Variants in PRDM1 observed in about 807,000 individuals in gnomAD.
PRDM1 encodes PR domain zinc finger protein 1.
A neutral mutation model predicts 62.8 loss-of-function variants in PRDM1; 13 were observed. The ratio of observed to expected loss-of-function variants is 0.21; its 90% CI spans 0.13 to 0.33. The LOEUF is 0.33. Ranked by LOEUF, PRDM1 falls within the 10% of genes least tolerant of loss-of-function variation. The pLI, the probability that PRDM1 is intolerant of heterozygous loss-of-function variation, is 1.00. For missense variants in PRDM1, 895 were observed against 1,058.8 expected (o/e 0.85, Z 2.15); for synonymous variants, 396 against 417.6 (o/e 0.95, Z 0.63).
Position 105,994,771 on chromosome 6 carries a change from T to C in PRDM1, c.-67+1132T>C, listed in dbSNP as rs62421071. Reference sequence around the variant, plus strand: ...CCGTAACTTCCTAACGACATCTTCTTGGAGCAGATTCCGCGGCGGGGATGG... The same window carrying C: ...CCGTAACTTCCTAACGACATCTTCTCGGAGCAGATTCCGCGGCGGGGATGG... On this transcript the variant is annotated intron_variant, in intron 1 of 6. Transcript: ENST00000652320. The surrounding 1 kb of genome is among the most constrained non-coding windows in gnomAD (Gnocchi z 4.1). Among the ~76,000 whole-genome samples, 6,636 of 152,286 alleles carry C rather than the reference T, an allele frequency of 0.044. 175 individuals carry two copies. The highest frequency in any genetic ancestry group is 0.059 in the Non-Finnish European group (3,993 of 68,012).
At position 106,086,518 on chromosome 6, in the gene PRDM1, T is replaced by C; in HGVS notation, c.-36T>C. The C allele has an allele frequency of 6.5e-7, 1 of 1,545,750 alleles. No homozygotes were observed. The highest frequency in any genetic ancestry group is 8.8e-7 in the Non-Finnish European group (1 of 1,142,296). On this transcript the variant is annotated 5_prime_UTR_variant, in exon 1 of 7. The change abolishes an upstream ATG in the 5' untranslated region. Coordinates refer to ENST00000369096, the MANE Select transcript of PRDM1 (RefSeq NM_001198.4). ...AGCCTGGCGGGGGACGCGGGGAGAA[T>C]GTGGACTGGGTAGAGATGAACGAGA...
At chr6:106,102,605 A>G (rs1358030114) in intron 4 of PRDM1, among the ~76,000 whole-genome samples, 2 of 152,204 alleles carry the variant, frequency 1.3e-5, no homozygotes, top group Admixed American at 6.5e-5. Flanking sequence ...CAACATTCAA[A>G]TTATATTAAG....
At chr6:106,087,679 G>T in intron 1 of PRDM1, 1 of 232,896 alleles carries the variant, frequency 4.3e-6, no homozygotes, top group Non-Finnish European at 8.5e-6. Flanking sequence ...TGGTGGGAAA[G>T]TTCGGTCTTC....
chr6:106,076,217 C>T (rs1276517407), intron 1 of PRDM1, among the ~76,000 whole-genome samples: 1 of 152,126 alleles, frequency 6.6e-6, no homozygotes, highest in Non-Finnish European at 1.5e-5. Flanking sequence ...TCCCAAAGTG[C>T]GACATCCCAA....
intron 1 of PRDM1, among the ~76,000 whole-genome samples, chr6:106,028,751 A>G (rs1772798358): frequency 6.6e-6 from 1 of 151,162 alleles, no homozygotes; most frequent in Non-Finnish European, 1.5e-5. Context: ...AGCAACCCCC[A>G]CCCCCGAAGT....
chr6:106,045,863 A>G (rs1048607310), upstream of PRDM1: 2 of 152,234 alleles, frequency 1.3e-5, no homozygotes, highest in African/African-American at 4.8e-5. Context: ...ACCAATGCCT[A>G]TGTTCTAGAG....
intron 1 of PRDM1, among the ~76,000 whole-genome samples, chr6:106,064,077 C>T (rs138331885): frequency 1.2e-4 from 19 of 152,310 alleles, no homozygotes; most frequent in African/African-American, 4.6e-4. Context: ...GGAGAAATCA[C>T]TGTCCCATCT....
intron 3 of PRDM1, 116 bp downstream of exon 3, chr6:106,095,850 G>A: frequency 1.8e-6 from 2 of 1,140,632 alleles, no homozygotes; most frequent in Non-Finnish European, 2.5e-6. Flanking sequence ...TCACCCATAA[G>A]TATCCAGCAT....
At chr6:106,016,761 G>T (rs1259325993) in intron 1 of PRDM1, among the ~76,000 whole-genome samples, 2 of 149,156 alleles carry the variant, frequency 1.3e-5, no homozygotes, top group Non-Finnish European at 1.5e-5. Flanking sequence ...CGATTCTCCT[G>T]CCTCAGCCCC....
intron 2 of PRDM1, among the ~76,000 whole-genome samples, chr6:106,090,163 C>T (rs1422858913): frequency 6.6e-6 from 1 of 152,132 alleles, no homozygotes; most frequent in East Asian, 1.9e-4. Context: ...GAGTGCTTCT[C>T]GATTATGCTA....
At position 106,105,381 on chromosome 6, in the gene PRDM1, C is replaced by A. The variant is rs139750319; in HGVS notation, c.1221C>A (p.Asn407Lys). ...HLPPAFIPSYNAHYPKFLLPP... is the reference protein window; with the variant it reads ...HLPPAFIPSYKAHYPKFLLPP... ...CGCCAGCTTTCATCCCCTCGTACAACGCTCACTACCCCAAGTTCCTCTTGC... is the reference window on the plus strand; with the variant it reads ...CGCCAGCTTTCATCCCCTCGTACAAAGCTCACTACCCCAAGTTCCTCTTGC... The change falls in exon 5 of 7, where the codon AAC (asparagine) becomes AAA (lysine). Residue 407 changes from asparagine to lysine, a missense_variant. Physicochemically the swap from Asn to Lys is moderately conservative, Grantham distance 94. This residue lies in a region of PRDM1 where 444 missense variants were observed against 422.7 expected (regional missense o/e 1.05). Transcript: ENST00000369096. 86 of 1,614,120 alleles carry A rather than the reference C, an allele frequency of 5.3e-5. No homozygotes were observed. The highest frequency in any genetic ancestry group is 7.0e-5 in the Non-Finnish European group (83 of 1,179,992).
At chr6:106,030,996 C>CTTTTTTTTTTTTTTTTTATTTTTTT (rs11343130) in intron 1 of PRDM1, among the ~76,000 whole-genome samples, 1 of 135,314 alleles carries the variant, frequency 7.4e-6, no homozygotes. Flanking sequence ...TGTATTCTCT[C>CTTTTTTTTTTTTTTTTTATTTTTTT]TTTTTTTTTT....
At position 106,023,972 on chromosome 6, in the gene PRDM1, T is replaced by C. The variant is rs544115903; in HGVS notation, c.-67+30333T>C. On this transcript the variant is annotated intron_variant, in intron 1 of 6. Transcript: ENST00000652320. ...GCCTAGGCAACATAGTGAGACCACATCTCTACAAAAAATTTACAAATTAGC... is the reference window on the plus strand; with the variant it reads ...GCCTAGGCAACATAGTGAGACCACACCTCTACAAAAAATTTACAAATTAGC... 2.0e-5 allele frequency among the ~76,000 whole-genome samples: 3 copies of C among 152,154 alleles called. No individual in the cohort carries two copies. In the South Asian group the frequency reaches 6.2e-4, roughly 32 times the overall value.
At chr6:106,001,898 AT>A (rs1177647005) in intron 1 of PRDM1, among the ~76,000 whole-genome samples, 2 of 152,202 alleles carry the variant, frequency 1.3e-5, no homozygotes, top group East Asian at 3.8e-4. Context: ...AATATCCACA[AT>A]AACTTTTTGT....
chr6:106,031,602 G>C (rs1772845306), intron 1 of PRDM1, among the ~76,000 whole-genome samples: 1 of 152,184 alleles, frequency 6.6e-6, no homozygotes, highest in Admixed American at 6.5e-5. Flanking sequence ...TTGAAATTGA[G>C]GTTGTGGAAA....
upstream of PRDM1, among the ~76,000 whole-genome samples, chr6:106,044,147 C>CT (rs1350565501): frequency 1.4e-5 from 2 of 147,638 alleles, no homozygotes; most frequent in South Asian, 4.2e-4. Flanking sequence ...GCTTTACACT[C>CT]TTTTTTTCTG....
At chr6:106,099,757 A>G (rs571558214) in intron 4 of PRDM1, 20 of 612,882 alleles carry the variant, frequency 3.3e-5, no homozygotes, top group African/African-American at 2.2e-4. Context: ...GTATATATAT[A>G]TATGAGGAGC....
rs966974441 is a variant in PRDM1 at position 106,107,061 on chromosome 6, C to T, written c.2053C>T (p.Arg685Trp). The T allele has an allele frequency of 1.4e-5, 23 of 1,614,068 alleles. No homozygotes were observed. The highest frequency in any genetic ancestry group is 1.8e-5 in the Non-Finnish European group (21 of 1,180,046). ...KLHKRLHTRE[R>W]PHKCSQCHKN... ...GCACAAGCGTCTGCACACCCGGGAG[C>T]GGCCCCACAAGTGCTCCCAGTGCCA... Residue 685 changes from arginine to tryptophan, a missense_variant, in exon 7 of 7, where the codon CGG becomes TGG. Physicochemically the swap from Arg to Trp is moderately radical, Grantham distance 101. Around this residue, in one of 4 missense-constraint regions of PRDM1, gnomAD observed 164 missense variants for 179.9 expected, o/e 0.91. Transcript: ENST00000369096.
intron 2 of PRDM1, among the ~76,000 whole-genome samples, chr6:106,093,667 C>CT (rs887676098): frequency 1.3e-5 from 2 of 152,122 alleles, no homozygotes; most frequent in African/African-American, 4.8e-5. Context: ...TCTACTAAAG[C>CT]TTTAAATATA....
Sources: gnomAD v4.1 joint callset for allele counts (sites outside exome capture counted in the v4.1 genomes callset) on GRCh38, gnomAD v4.1.1 for gene constraint, gnomAD v4.1.1 regional missense constraint, Gnocchi (gnomAD v3.1) non-coding constraint, MANE v1.5 for transcripts, NCBI Gene and HGNC (gene_info 2026-07-23, HGNC 2026-07-21) for gene names.